The following KAT6B variants were observed in gnomAD, a reference collection of about 807,000 sequenced individuals.
KAT6B encodes lysine acetyltransferase 6B.
In KAT6B, 10 loss-of-function variants were observed where a neutral mutation model predicts 187.5. The observed-to-expected ratio is 0.05, with a 90% CI of 0.03 to 0.09. KAT6B has a LOEUF of 0.09. Ranked by LOEUF, KAT6B falls within the 10% of genes least tolerant of loss-of-function variation. The probability of loss-of-function intolerance (pLI) is 1.00; values close to 1 mark genes in which losing one functional copy is unlikely to be tolerated. For missense variants in KAT6B, 1,952 were observed against 2,558.9 expected (o/e 0.76, Z 5.12); for synonymous variants, 861 against 926.8 (o/e 0.93, Z 1.29).
At chr10:74,939,935 G>A (rs1441520413) in intron 3 of KAT6B, among the ~76,000 whole-genome samples, 1 of 152,194 alleles carries the variant, frequency 6.6e-6, no homozygotes, top group Non-Finnish European at 1.5e-5. Flanking sequence ...AAACAAATGA[G>A]TAGTAATAAC....
At chr10:74,904,188 C>T (rs1308799982) in intron 3 of KAT6B, among the ~76,000 whole-genome samples, 1 of 152,210 alleles carries the variant, frequency 6.6e-6, no homozygotes, top group Non-Finnish European at 1.5e-5. Flanking sequence ...TTTTCAATTA[C>T]AGTGTAACAC....
chr10:74,989,072 G>T lies in KAT6B; in HGVS notation c.2589G>T (p.Gln863His). Residue 863 changes from glutamine (Q) to histidine (H), a missense_variant, in exon 13 of 18, where the codon CAG becomes CAT. By Grantham distance (24) the Gln-to-His change is conservative. Transcript: ENST00000287239. The part of the protein sequence containing the change: ...YNVSCIMIMP[Q>H]HQRQGFGRFL... ...TCTCCTGCATAATGATCATGCCCCAGCACCAAAGGCAAGGATTTGGACGGT... is the reference window on the plus strand; with the variant it reads ...TCTCCTGCATAATGATCATGCCCCATCACCAAAGGCAAGGATTTGGACGGT... 1 of 1,614,008 alleles carries T rather than the reference G, an allele frequency of 6.2e-7. No homozygotes were observed. The highest frequency in any genetic ancestry group is 8.5e-7 in the Non-Finnish European group (1 of 1,179,898).
chr10:75,013,013 C>T (rs1377607917), intron 13 of KAT6B, among the ~76,000 whole-genome samples: 1 of 152,132 alleles, frequency 6.6e-6, no homozygotes, highest in African/African-American at 2.4e-5. Context: ...GAAGAGAGAT[C>T]TAAGAGTGGG....
chr10:74,952,899 C>A (rs1840422018), intron 3 of KAT6B, among the ~76,000 whole-genome samples: 1 of 132,954 alleles, frequency 7.5e-6, no homozygotes, highest in Non-Finnish European at 1.5e-5. Flanking sequence ...GAGGTTTCAC[C>A]ATGTTGGCCA....
At chr10:74,979,370 T>G (rs1459911517) in intron 10 of KAT6B, 31 bp downstream of exon 10, 4 of 1,378,958 alleles carry the variant, frequency 2.9e-6, no homozygotes, top group Non-Finnish European at 4.1e-6. Context: ...GGTGTATAAC[T>G]TGAATGTCAC....
chr10:74,840,356 GT>G (rs1014074590), intron 2 of KAT6B, among the ~76,000 whole-genome samples: 4 of 152,184 alleles, frequency 2.6e-5, no homozygotes, highest in Admixed American at 2.0e-4. Context: ...GTAGCATGGG[GT>G]TTTGTCGTTA....
chr10:74,897,330 A>G (rs994915217), intron 3 of KAT6B, among the ~76,000 whole-genome samples: 2 of 152,138 alleles, frequency 1.3e-5, no homozygotes, highest in African/African-American at 4.8e-5. Flanking sequence ...TCCCCACTCT[A>G]ACATGACAAG....
chr10:74,849,919 G>C (rs914732929), intron 3 of KAT6B, among the ~76,000 whole-genome samples: 1 of 151,306 alleles, frequency 6.6e-6, no homozygotes. Context: ...CCACTGGGCA[G>C]TACACTGGTC....
chr10:74,959,783 C>T (rs1015844352), intron 3 of KAT6B, among the ~76,000 whole-genome samples, 187 bp from the exon 4 acceptor site: 2 of 152,140 alleles, frequency 1.3e-5, no homozygotes, highest in African/African-American at 2.4e-5. Flanking sequence ...AGCGAGACTT[C>T]GTCTCAAAAA....
At chr10:74,975,245 C>A (rs1387783884) in intron 7 of KAT6B, among the ~76,000 whole-genome samples, 154 bp from the exon 8 acceptor site, 7 of 152,070 alleles carry the variant, frequency 4.6e-5, no homozygotes, top group African/African-American at 1.2e-4. Context: ...TGCTGCCTTT[C>A]CAACAGAGAA....
At chr10:74,980,051 C>T (rs1009695644) in intron 10 of KAT6B, among the ~76,000 whole-genome samples, 3 of 152,058 alleles carry the variant, frequency 2.0e-5, no homozygotes, top group South Asian at 2.1e-4. Flanking sequence ...CCCAGCTACT[C>T]GGGAGGCTGA....
At chr10:74,961,086 C>G (rs1046269762) in intron 4 of KAT6B, among the ~76,000 whole-genome samples, 1 of 151,980 alleles carries the variant, frequency 6.6e-6, no homozygotes, top group Non-Finnish European at 1.5e-5. Context: ...CATTTCAAAC[C>G]CTGCTTGAAA....
At chr10:74,912,293 CATGT>C (rs547713429) in intron 3 of KAT6B, among the ~76,000 whole-genome samples, 16 of 150,460 alleles carry the variant, frequency 1.1e-4, no homozygotes, top group South Asian at 4.2e-4. Context: ...TTGATTGTCT[CATGT>C]ATGTATGTAT....
At chr10:74,890,426 G>C (rs1255924769) in intron 3 of KAT6B, among the ~76,000 whole-genome samples, 2 of 152,098 alleles carry the variant, frequency 1.3e-5, no homozygotes, top group Non-Finnish European at 2.9e-5. Flanking sequence ...ATTGCTTGAG[G>C]CTAGGAGTTT....
intron 2 of KAT6B, among the ~76,000 whole-genome samples, chr10:74,840,266 A>G (rs762757984): frequency 2.0e-5 from 3 of 152,232 alleles, no homozygotes; most frequent in Non-Finnish European, 4.4e-5. Context: ...AGCAACCAAG[A>G]GAAAGTGGTG....
At chr10:74,895,397 T>C (rs1020135869) in intron 3 of KAT6B, among the ~76,000 whole-genome samples, 5 of 151,104 alleles carry the variant, frequency 3.3e-5, no homozygotes, top group African/African-American at 1.2e-4. Flanking sequence ...GTTAAAACAT[T>C]AATTGTGTAA....
intron 1 of KAT6B, among the ~76,000 whole-genome samples, chr10:74,833,878 A>G (rs913670963): frequency 2.6e-5 from 4 of 152,212 alleles, no homozygotes; most frequent in African/African-American, 4.8e-5. Flanking sequence ...AAAGATGGGG[A>G]ATTAAATATT....
chr10:74,969,917 C>T, intron 5 of KAT6B, 103 bp from the exon 6 acceptor site: 3 of 1,020,740 alleles, frequency 2.9e-6, no homozygotes, highest in Non-Finnish European at 3.0e-6. Context: ...GATCTTGGTG[C>T]ACTTTCCTTA....
At chr10:74,844,460 A>C (rs1319170466) in intron 3 of KAT6B, among the ~76,000 whole-genome samples, 1 of 152,212 alleles carries the variant, frequency 6.6e-6, no homozygotes, top group Admixed American at 6.5e-5. Context: ...TGGTCTCCCA[A>C]AGTGTTGGGA....
Sources: allele counts gnomAD v4.1 joint callset (sites outside exome capture counted in the v4.1 genomes callset), GRCh38; gene constraint gnomAD v4.1.1; transcripts MANE v1.5; gene names NCBI Gene and HGNC (gene_info 2026-07-23, HGNC 2026-07-21).